The following GPC5 variants were observed in gnomAD, a reference collection of about 807,000 sequenced individuals.
GPC5 encodes the protein glypican-5.
Under a neutral mutation model 53.9 loss-of-function variants are expected in GPC5, and 47 were observed. The ratio of observed to expected loss-of-function variants is 0.87; its 90% CI spans 0.69 to 1.11. The LOEUF is 1.11. Ranked by LOEUF, GPC5 falls within the 50% of genes most tolerant of loss-of-function variation. The probability of loss-of-function intolerance (pLI) is 0.00; values close to 1 mark genes in which losing one functional copy is unlikely to be tolerated. For synonymous variants in GPC5, 286 were observed against 263.3 expected (o/e 1.09, Z -0.84); for missense variants, 748 against 713.1 (o/e 1.05, Z -0.56).
chr13:92,156,772 T>C (rs73620857), intron 7 of GPC5, among the ~76,000 whole-genome samples: 1,827 of 152,218 alleles, frequency 0.012, 53 homozygotes, highest in African/African-American at 0.041. Context: ...AAATATAGCA[T>C]AATAGATGAC....
intron 7 of GPC5, among the ~76,000 whole-genome samples, chr13:92,728,763 C>T (rs867617167): frequency 3.3e-5 from 5 of 151,236 alleles, no homozygotes; most frequent in African/African-American, 1.2e-4. Flanking sequence ...AATTTCGAAC[C>T]ATTTTAATTC....
intron 2 of GPC5, among the ~76,000 whole-genome samples, chr13:91,495,978 G>A (rs1279831680): frequency 6.6e-6 from 1 of 151,906 alleles, no homozygotes; most frequent in Non-Finnish European, 1.5e-5. Flanking sequence ...AGCCGAGATA[G>A]CACCACTGCA....
intron 5 of GPC5, among the ~76,000 whole-genome samples, chr13:91,898,015 G>C (rs1459628554): frequency 1.3e-5 from 2 of 152,070 alleles, no homozygotes; most frequent in African/African-American, 4.8e-5. Context: ...AAACAATTCA[G>C]AGAGATATTA....
chr13:92,460,882 A>G (rs187144699), intron 7 of GPC5, among the ~76,000 whole-genome samples: 8 of 152,196 alleles, frequency 5.3e-5, no homozygotes, highest in African/African-American at 1.4e-4. Context: ...CTAGGGTGAC[A>G]TAATGAAAGT....
chr13:92,740,446 A>G (rs1256850324), intron 7 of GPC5, among the ~76,000 whole-genome samples: 1 of 152,112 alleles, frequency 6.6e-6, no homozygotes, highest in African/African-American at 2.4e-5. Context: ...CCGTGTTCTT[A>G]GCTACTGTCC....
chr13:92,482,682 G>A (rs1879403372), intron 7 of GPC5, among the ~76,000 whole-genome samples: 1 of 152,092 alleles, frequency 6.6e-6, no homozygotes, highest in South Asian at 2.1e-4. Context: ...CCATTAGAGT[G>A]GAAGTCAGGT....
intron 6 of GPC5, among the ~76,000 whole-genome samples, chr13:92,094,035 T>G (rs2138900748): frequency 6.6e-6 from 1 of 152,358 alleles, no homozygotes; most frequent in Non-Finnish European, 1.5e-5. Context: ...CTCATAATGC[T>G]ATCATTTGAG....
Position 92,866,662 on chromosome 13 carries a change from C to T in GPC5, c.*223C>T. 2 of 331,336 alleles carry T rather than the reference C, an allele frequency of 6.0e-6. No homozygotes were observed. The highest frequency in any genetic ancestry group is 5.4e-6 in the Non-Finnish European group (1 of 183,588). The allele number at this position is 331,336 out of a possible 1,614,324, so 20.5% of individuals were successfully genotyped here. The stretch of plus-strand genomic sequence containing the variant: ...TGTCTTTTTTCAATCTAACTGAAAA[C>T]CTTCTTAACTTCTAATATATTAAAT... On this transcript the variant is annotated 3_prime_UTR_variant, in exon 8 of 8. Transcript: ENST00000377067.
At position 91,398,715 on chromosome 13, in the gene GPC5, G is replaced by A; in HGVS notation, c.-332G>A. 1 of 272,174 alleles carries A rather than the reference G, an allele frequency of 3.7e-6. No individual in the cohort carries two copies. Among genetic ancestry groups the A allele is most frequent in the Non-Finnish European group, 6.8e-6 (1 of 147,068 alleles). The allele number at this position is 272,174 out of a possible 1,614,324, so 16.9% of individuals were successfully genotyped here. A position where few individuals can be genotyped will look rare whatever the true frequency, so the allele number is the denominator to read the frequency against. ...GGCGGCAGTGGCGGCAGCGGCAGCA[G>A]TTGCAGCAGTGGTGGCCAGAGCGGA... On this transcript the variant is annotated 5_prime_UTR_variant, in exon 1 of 8. Transcript: ENST00000377067.
At chr13:92,070,216 A>G (rs1216298720) in intron 6 of GPC5, among the ~76,000 whole-genome samples, 1 of 152,184 alleles carries the variant, frequency 6.6e-6, no homozygotes, top group African/African-American at 2.4e-5. Flanking sequence ...CTGCGATACT[A>G]CCTACACAAG....
intron 2 of GPC5, among the ~76,000 whole-genome samples, chr13:91,483,435 T>A (rs1456273703): frequency 6.6e-6 from 1 of 152,204 alleles, no homozygotes; most frequent in African/African-American, 2.4e-5. Context: ...TATCTAGGAA[T>A]CTCTGCATGT....
chr13:92,413,937 T>C (rs1876165512), intron 7 of GPC5, among the ~76,000 whole-genome samples: 2 of 152,208 alleles, frequency 1.3e-5, no homozygotes, highest in South Asian at 4.1e-4. Context: ...TCTATCAAAA[T>C]TTTCCATTTT....
chr13:92,094,883 A>G (rs2041410070), intron 6 of GPC5, among the ~76,000 whole-genome samples: 1 of 151,496 alleles, frequency 6.6e-6, no homozygotes, highest in African/African-American at 2.4e-5. Flanking sequence ...TTGTGTTTCC[A>G]TTTCTCTCTC....
intron 1 of GPC5, 76 bp from the exon 2 acceptor site, chr13:91,448,685 C>G: frequency 1.4e-6 from 2 of 1,473,382 alleles, no homozygotes; most frequent in Non-Finnish European, 1.8e-6. Context: ...CAGGACTGGT[C>G]ATAACGCCTG....
At chr13:92,314,312 C>T (rs1339862296) in intron 7 of GPC5, among the ~76,000 whole-genome samples, 5 of 152,098 alleles carry the variant, frequency 3.3e-5, no homozygotes, top group Admixed American at 3.3e-4. Flanking sequence ...ATGTCCCCAA[C>T]TTTGGAAGGA....
At chr13:92,326,692 T>C (rs965106689) in intron 7 of GPC5, among the ~76,000 whole-genome samples, 2 of 152,130 alleles carry the variant, frequency 1.3e-5, no homozygotes, top group African/African-American at 4.8e-5. Flanking sequence ...TGAACAGGGA[T>C]CATAACGTAA....
chr13:92,266,175 G>A (rs1049145017), intron 7 of GPC5, among the ~76,000 whole-genome samples: 13 of 152,058 alleles, frequency 8.5e-5, no homozygotes, highest in South Asian at 4.2e-4. Flanking sequence ...AGCATAACTG[G>A]GTTCTTCTCA....
chr13:91,880,634 A>C (rs1400695269), intron 5 of GPC5, among the ~76,000 whole-genome samples: 1 of 152,188 alleles, frequency 6.6e-6, no homozygotes, highest in African/African-American at 2.4e-5. Flanking sequence ...ATGCCTTTTC[A>C]TCAAGTCAGT....
At chr13:92,675,876 A>G (rs1160233826) in intron 7 of GPC5, among the ~76,000 whole-genome samples, 1 of 152,136 alleles carries the variant, frequency 6.6e-6, no homozygotes, top group Non-Finnish European at 1.5e-5. Flanking sequence ...TTTATTAGAA[A>G]TGACTGCTGC....
Sources: gnomAD v4.1 joint callset for allele counts (sites outside exome capture counted in the v4.1 genomes callset) on GRCh38, gnomAD v4.1.1 for gene constraint, MANE v1.5 for transcripts, NCBI Gene and HGNC (gene_info 2026-07-23, HGNC 2026-07-21) for gene names.